Variants in PCDHA6 observed in about 807,000 individuals in gnomAD.
The protein encoded by PCDHA6 is protocadherin alpha-6.
A neutral mutation model predicts 60.3 loss-of-function variants in PCDHA6; 55 were observed. The ratio of observed to expected loss-of-function variants is 0.91; its 90% confidence interval spans 0.73 to 1.14. The LOEUF is 1.14. Among genes scored for constraint, PCDHA6 ranks in the 50% most tolerant of loss-of-function variants. The probability of loss-of-function intolerance (pLI) is 0.00; values close to 1 mark genes in which losing one functional copy is unlikely to be tolerated. For missense variants in PCDHA6, 1,327 were observed against 1,256.5 expected (o/e 1.06, Z -0.85); for synonymous variants, 652 against 557.9 (o/e 1.17, Z -2.38).
At chr5:140,977,619 C>T (rs1289978944) in intron 1 of PCDHA6, among the ~76,000 whole-genome samples, 1 of 152,240 alleles carries the variant, frequency 6.6e-6, no homozygotes, top group African/African-American at 2.4e-5. Context: ...TAAAGTATCC[C>T]AGAGTTGTAA....
At chr5:140,881,559 C>G (rs1293330721) in intron 1 of PCDHA6, among the ~76,000 whole-genome samples, 2 of 152,174 alleles carry the variant, frequency 1.3e-5, no homozygotes, top group Admixed American at 6.5e-5. Context: ...ATATAAATAT[C>G]TTATCTACAT....
intron 1 of PCDHA6, chr5:140,856,523 G>T: frequency 6.3e-7 from 1 of 1,598,526 alleles, no homozygotes; most frequent in Non-Finnish European, 8.6e-7. Context: ...CGCATCTGAT[G>T]CGGATGTTGG....
intron 1 of PCDHA6, among the ~76,000 whole-genome samples, chr5:140,973,418 T>G (rs1235123458): frequency 6.6e-6 from 1 of 152,212 alleles, no homozygotes; most frequent in East Asian, 1.9e-4. Flanking sequence ...CCACTCCAGT[T>G]TTTCATCCTC....
intron 1 of PCDHA6, among the ~76,000 whole-genome samples, chr5:140,936,532 A>G (rs1431070462): frequency 6.6e-6 from 1 of 152,222 alleles, no homozygotes; most frequent in East Asian, 1.9e-4. Context: ...ATTGCTTTTG[A>G]ATATAGTGCA....
chr5:140,938,237 T>A (rs1287300526), intron 1 of PCDHA6, among the ~76,000 whole-genome samples: 1 of 152,208 alleles, frequency 6.6e-6, no homozygotes, highest in African/African-American at 2.4e-5. Context: ...TAGGCCACCA[T>A]GCCTGGTCTT....
At chr5:140,929,663 G>A (rs1284467278) in intron 1 of PCDHA6, 1 of 336,002 alleles carries the variant, frequency 3.0e-6, no homozygotes, top group African/African-American at 2.1e-5. Context: ...TATTTAAAGT[G>A]AAGAATGAAA....
At chr5:140,968,563 T>G in intron 1 of PCDHA6, 1 of 1,614,204 alleles carries the variant, frequency 6.2e-7, no homozygotes, top group South Asian at 1.1e-5. Context: ...GAACTGCCCC[T>G]GCTGGCTACC....
intron 1 of PCDHA6, chr5:140,848,244 GA>G (rs1299433066): frequency 2.9e-5 from 13 of 449,890 alleles, no homozygotes; most frequent in Non-Finnish European, 5.1e-5. Context: ...AAGTTTTGCA[GA>G]ATAACTGTGA....
chr5:140,926,967 A>G (rs782296182), intron 1 of PCDHA6: 4 of 1,606,666 alleles, frequency 2.5e-6, no homozygotes, highest in Middle Eastern at 1.7e-4. Context: ...TCGAGTACTC[A>G]GTGCCGGAGG....
chr5:140,929,566 C>A, intron 1 of PCDHA6: 2 of 459,566 alleles, frequency 4.4e-6, no homozygotes, highest in Admixed American at 4.2e-5. Flanking sequence ...TATTTAAGAA[C>A]AATAAAAGTA....
At chr5:141,005,868 G>T (rs1428789229) in intron 3 of PCDHA6, among the ~76,000 whole-genome samples, 1 of 152,078 alleles carries the variant, frequency 6.6e-6, no homozygotes, top group African/African-American at 2.4e-5. Flanking sequence ...GGTCGATTGA[G>T]TCCAGGAGTT....
chr5:140,969,542 C>T, intron 1 of PCDHA6: 1 of 1,279,490 alleles, frequency 7.8e-7, no homozygotes, highest in South Asian at 1.6e-5. Flanking sequence ...TTTTCAGAGG[C>T]ATGAAGCCTT....
Position 140,848,448 on chromosome 5 carries a change from T to G in PCDHA6, c.2394+17963T>G, listed in dbSNP as rs2150410519. 45 of 1,511,666 alleles carry G rather than the reference T, an allele frequency of 3.0e-5. 2 individuals carry two copies. The highest frequency in any genetic ancestry group is 3.9e-5 in the Non-Finnish European group (43 of 1,111,010). 93.6% of individuals were successfully genotyped at this position (1,511,666 alleles called of 1,614,324 possible). The stretch of plus-strand genomic sequence containing the variant: ...ACTGACGAAATCAGATGATTTCTTC[T>G]AATTTGGAGGCAATTTTCACTAATT... On this transcript the variant is annotated intron_variant, in intron 1 of 3. Transcript: ENST00000529310.
chr5:140,932,593 A>T (rs1347990722), intron 1 of PCDHA6, among the ~76,000 whole-genome samples: 1 of 151,922 alleles, frequency 6.6e-6, no homozygotes, highest in South Asian at 2.1e-4. Context: ...GATGTTTTGT[A>T]TATCTATTTT....
At chr5:140,949,603 A>G (rs1218724530) in intron 1 of PCDHA6, among the ~76,000 whole-genome samples, 3 of 151,662 alleles carry the variant, frequency 2.0e-5, no homozygotes, top group Non-Finnish European at 4.4e-5. Flanking sequence ...TGGCCATTCT[A>G]GTCTCATGTT....
At chr5:140,970,331 T>C (rs1442466340) in intron 1 of PCDHA6, among the ~76,000 whole-genome samples, 1 of 152,210 alleles carries the variant, frequency 6.6e-6, no homozygotes, top group African/African-American at 2.4e-5. Context: ...TTCCAAAGCA[T>C]GCATTCATTT....
intron 3 of PCDHA6, among the ~76,000 whole-genome samples, chr5:140,999,645 G>C (rs1417751593): frequency 6.6e-6 from 1 of 152,156 alleles, no homozygotes; most frequent in Non-Finnish European, 1.5e-5. Context: ...AAACTGTGCA[G>C]CCTGAGCCCT....
intron 1 of PCDHA6, among the ~76,000 whole-genome samples, chr5:140,925,505 C>A (rs528944783): frequency 6.6e-5 from 10 of 152,052 alleles, no homozygotes; most frequent in African/African-American, 2.2e-4. Flanking sequence ...CCAATATCCA[C>A]GCAAAAGACC....
chr5:140,877,822 TTAAA>T, intron 1 of PCDHA6: 1 of 1,603,218 alleles, frequency 6.2e-7, no homozygotes, highest in East Asian at 2.2e-5. Flanking sequence ...AGAAGATTGT[TTAAA>T]TCCTCCCAGT....
Sources: gnomAD v4.1 joint callset for allele counts (sites outside exome capture counted in the v4.1 genomes callset) on GRCh38, gnomAD v4.1.1 for gene constraint, MANE v1.5 for transcripts, NCBI Gene and HGNC (gene_info 2026-07-23, HGNC 2026-07-21) for gene names.